The following STK38 variants were observed in gnomAD, a reference collection of about 807,000 sequenced individuals.
STK38 encodes serine/threonine kinase 38, also known as serine/threonine-protein kinase 38.
A neutral mutation model predicts 59.0 loss-of-function variants in STK38; 26 were observed. That is an observed-to-expected ratio of 0.44 (90% confidence interval 0.32 to 0.61). The LOEUF is 0.61. Ranked by LOEUF, STK38 falls within the 20% of genes least tolerant of loss-of-function variation. STK38 has a pLI of 0.04. For missense variants in STK38, 433 were observed against 566.0 expected, an observed-to-expected ratio of 0.76 and a Z score of 2.38; for synonymous variants, 175 against 176.6, an observed-to-expected ratio of 0.99 and a Z score of 0.07.
At chr6:36,529,199 A>G (rs945802155) in intron 2 of STK38, among the ~76,000 whole-genome samples, 7 of 152,224 alleles carry the variant, frequency 4.6e-5, no homozygotes, top group Non-Finnish European at 1.0e-4. Flanking sequence ...GAAAATGGCC[A>G]TATTTTTGGA....
intron 2 of STK38, among the ~76,000 whole-genome samples, chr6:36,527,341 T>G (rs907274337): frequency 7.0e-6 from 1 of 143,684 alleles, no homozygotes; most frequent in Non-Finnish European, 1.5e-5. Flanking sequence ...CACACACATA[T>G]ATGTAATATA....
rs1776669841 is a variant in STK38, at chr6:36,495,181, T to C, written c.*603A>G. On this transcript the variant is annotated 3_prime_UTR_variant, in exon 14 of 14. Coordinates refer to ENST00000229812, the MANE Select transcript of STK38 (RefSeq NM_007271.4). ...ATCAATGGATTGACAGTCTTTATCT[T>C]AGTACCATAAATAAAGTGCACCATG... The C allele has an allele frequency of 6.5e-6, 1 of 152,974 alleles. No individual in the cohort carries two copies. Among genetic ancestry groups the C allele is most frequent in the Non-Finnish European group, 1.5e-5 (1 of 68,352 alleles). The allele number at this position is 152,974 out of a possible 1,614,324, so 9.5% of individuals were successfully genotyped here. A position where few individuals can be genotyped will look rare whatever the true frequency, so the allele number is the denominator to read the frequency against.
intron 9 of STK38, among the ~76,000 whole-genome samples, chr6:36,501,483 A>T (rs921076164): frequency 1.3e-5 from 2 of 152,102 alleles, no homozygotes; most frequent in African/African-American, 2.4e-5. Flanking sequence ...AGGAACAGAC[A>T]ATACAATACA....
At position 36,496,808 on chromosome 6, in the gene STK38, G is replaced by T; in HGVS notation, c.1173-3C>A. The T allele has an allele frequency of 6.2e-7, 1 of 1,608,110 alleles. No homozygotes were observed. Among genetic ancestry groups the T allele is most frequent in the Non-Finnish European group, 8.5e-7 (1 of 1,175,896 alleles). The stretch of plus-strand genomic sequence containing the variant: ...TAGATATTGCAGCAGGTCTCTCTCT[G>T]CCAAGAATACACATGCCAAAAATTA... On this transcript the variant is annotated splice_polypyrimidine_tract_variant and splice_region_variant and intron_variant, in intron 12 of 13. Coordinates refer to ENST00000229812, the MANE Select transcript of STK38 (RefSeq NM_007271.4).
chr6:36,539,400 AC>A (rs1268328535), intron 2 of STK38, among the ~76,000 whole-genome samples: 2 of 150,412 alleles, frequency 1.3e-5, no homozygotes, highest in South Asian at 2.1e-4. Flanking sequence ...AAAAAAAAAA[AC>A]CAATAAATAA....
chr6:36,497,898 A>T, intron 11 of STK38, 23 bp from the exon 12 acceptor site: 4 of 1,528,846 alleles, frequency 2.6e-6, no homozygotes, highest in Non-Finnish European at 3.6e-6. Flanking sequence ...GAGGCCTTTC[A>T]GCACATCTCA....
chr6:36,496,754 T>G lies in STK38; in HGVS notation c.1224A>C (p.Ser408=), dbSNP rs1776713873. The G allele has an allele frequency of 6.2e-7, 1 of 1,613,704 alleles. No homozygotes were observed. The highest frequency in any genetic ancestry group is 8.5e-7 in the Non-Finnish European group (1 of 1,179,940). ...SIEIKSIDDT[S]NFDEFPESDI... ...CAGATTCTGGAAACTCATCGAAGTT[T>G]GAGGTATCATCAATGCTTTTGATTT... Residue 408 remains serine, a synonymous_variant, in exon 13 of 14, where the codon TCA becomes TCC. Coordinates refer to ENST00000229812, the MANE Select transcript of STK38 (RefSeq NM_007271.4).
intron 7 of STK38, among the ~76,000 whole-genome samples, chr6:36,511,604 C>T (rs1198937512): frequency 1.3e-5 from 2 of 151,772 alleles, no homozygotes; most frequent in African/African-American, 4.8e-5. Flanking sequence ...GATCCACCCA[C>T]CTCGGCCTCC....
At chr6:36,538,161 G>A (rs1205773463) in intron 2 of STK38, among the ~76,000 whole-genome samples, 1 of 150,404 alleles carries the variant, frequency 6.6e-6, no homozygotes, top group African/African-American at 2.4e-5. Flanking sequence ...AAAATTAGCC[G>A]GGCTTGGTGG....
intron 10 of STK38, among the ~76,000 whole-genome samples, chr6:36,498,809 T>C (rs1776769349): frequency 6.6e-6 from 1 of 152,044 alleles, no homozygotes; most frequent in Non-Finnish European, 1.5e-5. Flanking sequence ...CAGGCTTATT[T>C]TGAACTCCTG....
chr6:36,534,714 A>G (rs1421316256), intron 2 of STK38, among the ~76,000 whole-genome samples: 1 of 152,146 alleles, frequency 6.6e-6, no homozygotes, highest in Non-Finnish European at 1.5e-5. Flanking sequence ...GCCTCAACCT[A>G]TAAAGGGCAT....
intron 7 of STK38, among the ~76,000 whole-genome samples, chr6:36,510,045 C>A (rs75776623): frequency 5.3e-5 from 8 of 152,252 alleles, no homozygotes; most frequent in Non-Finnish European, 1.2e-4. Flanking sequence ...GACTCCAGCC[C>A]GAACTGACAG....
intron 12 of STK38, among the ~76,000 whole-genome samples, 180 bp from the exon 13 acceptor site, chr6:36,496,985 A>G (rs1440110259): frequency 1.3e-5 from 2 of 152,238 alleles, no homozygotes; most frequent in Non-Finnish European, 2.9e-5. Flanking sequence ...GACTGTACCC[A>G]AAGTAAATTA....
chr6:36,543,360 C>T (rs573659918), intron 1 of STK38, among the ~76,000 whole-genome samples: 2 of 152,206 alleles, frequency 1.3e-5, no homozygotes, highest in South Asian at 2.1e-4. Context: ...CCACCATGCC[C>T]GGCCAATAGT....
chr6:36,543,164 G>A (rs1345270633), intron 1 of STK38, among the ~76,000 whole-genome samples: 3 of 150,258 alleles, frequency 2.0e-5, no homozygotes, highest in African/African-American at 7.3e-5. Context: ...TCCCAGGTTC[G>A]TGCCATTCTC....
At chr6:36,510,087 T>C (rs1025737441) in intron 7 of STK38, among the ~76,000 whole-genome samples, 4 of 152,188 alleles carry the variant, frequency 2.6e-5, no homozygotes, top group South Asian at 2.1e-4. Flanking sequence ...CATCCCTGGC[T>C]TGAAGGTGGG....
At chr6:36,509,357 T>C (rs1216855880) in intron 7 of STK38, among the ~76,000 whole-genome samples, 1 of 152,112 alleles carries the variant, frequency 6.6e-6, no homozygotes, top group Non-Finnish European at 1.5e-5. Context: ...GGTCATCCCA[T>C]CTGCCGGGGT....
At chr6:36,538,704 C>G (rs1288177012) in intron 2 of STK38, among the ~76,000 whole-genome samples, 2 of 151,950 alleles carry the variant, frequency 1.3e-5, no homozygotes, top group Non-Finnish European at 2.9e-5. Flanking sequence ...CCATCCTGGC[C>G]AACACAGTGA....
chr6:36,499,878 A>G lies in STK38; in HGVS notation c.947T>C (p.Leu316Pro), dbSNP rs1474617304. The G allele has an allele frequency of 1.9e-6, 3 of 1,613,546 alleles. No homozygotes were observed. The highest frequency in any genetic ancestry group is 2.5e-6 in the Non-Finnish European group (3 of 1,179,610). ...TCTGAAACCATGCAACTTACCGATG[A>G]GCATCTCATACATGATCACCCCAAG... ...WSLGVIMYEMLIGYPPFCSET... is the reference protein window; with the variant it reads ...WSLGVIMYEMPIGYPPFCSET... Residue 316 changes from leucine (L) to proline (P), a missense_variant, in exon 10 of 14, where the codon CTC (leucine) becomes CCC (proline). Transcript: ENST00000229812.
Sources: allele counts gnomAD v4.1 joint callset (sites outside exome capture counted in the v4.1 genomes callset), GRCh38; gene constraint gnomAD v4.1.1; transcripts MANE v1.5; gene names NCBI Gene and HGNC (gene_info 2026-07-23, HGNC 2026-07-21).